The following ZMAT4 variants were observed in gnomAD, a reference collection of about 807,000 sequenced individuals.
ZMAT4 encodes the protein zinc finger matrin-type protein 4.
A neutral mutation model predicts 28.7 loss-of-function variants in ZMAT4; 17 were observed. That is an observed-to-expected ratio of 0.59 (90% CI 0.41 to 0.89). ZMAT4 has a LOEUF of 0.89. ZMAT4 is among the 40% of genes least tolerant of loss of function. The probability of loss-of-function intolerance (pLI) is 0.00; values close to 1 mark genes in which losing one functional copy is unlikely to be tolerated. For synonymous variants in ZMAT4, 117 were observed against 109.2 expected, an observed-to-expected ratio of 1.07 and a Z score of -0.44; for missense variants, 240 against 283.8, an observed-to-expected ratio of 0.85 and a Z score of 1.11.
chr8:40,556,731 G>A (rs1463797732), intron 6 of ZMAT4, among the ~76,000 whole-genome samples: 1 of 152,112 alleles, frequency 6.6e-6, no homozygotes, highest in Non-Finnish European at 1.5e-5. Flanking sequence ...GTATCTATGG[G>A]GTACATGTGA....
intron 3 of ZMAT4, among the ~76,000 whole-genome samples, chr8:40,721,441 G>A (rs1407028287): frequency 4.5e-4 from 65 of 145,460 alleles, no homozygotes; most frequent in Non-Finnish European, 8.2e-4. Context: ...ATAAACATAC[G>A]TGTGCATGTG....
At chr8:40,768,907 G>A (rs1215815291) in intron 2 of ZMAT4, among the ~76,000 whole-genome samples, 1 of 152,194 alleles carries the variant, frequency 6.6e-6, no homozygotes, top group African/African-American at 2.4e-5. Context: ...CCCATCTCCT[G>A]GATGGTGGTT....
chr8:40,575,986 A>G (rs977035857), intron 6 of ZMAT4, among the ~76,000 whole-genome samples: 2 of 152,148 alleles, frequency 1.3e-5, no homozygotes, highest in Admixed American at 6.5e-5. Flanking sequence ...AACCAAACAA[A>G]TCTTGGCAAT....
intron 6 of ZMAT4, 73 bp from the exon 7 acceptor site, chr8:40,532,311 A>G: frequency 7.6e-7 from 1 of 1,319,322 alleles, no homozygotes; most frequent in South Asian, 1.5e-5. Flanking sequence ...TCTCCCCCCC[A>G]CCCCCTGTCT....
chr8:40,676,144 A>C (rs1017930168), intron 4 of ZMAT4, among the ~76,000 whole-genome samples: 2 of 152,204 alleles, frequency 1.3e-5, no homozygotes, highest in Non-Finnish European at 2.9e-5. Flanking sequence ...CAGAAATGCC[A>C]GTGGCTTACT....
chr8:40,607,900 C>T (rs1192943333), intron 5 of ZMAT4, among the ~76,000 whole-genome samples: 2 of 151,996 alleles, frequency 1.3e-5, no homozygotes, highest in Non-Finnish European at 2.9e-5. Flanking sequence ...GGTCTCTCAG[C>T]CATGGATACC....
intron 1 of ZMAT4, among the ~76,000 whole-genome samples, chr8:40,828,446 A>T (rs914989414): frequency 1.3e-5 from 2 of 152,142 alleles, no homozygotes; most frequent in African/African-American, 4.8e-5. Context: ...AACACTGTGA[A>T]AGGATATTCA....
At chr8:40,641,695 T>A (rs1018906640) in intron 5 of ZMAT4, among the ~76,000 whole-genome samples, 11 of 152,200 alleles carry the variant, frequency 7.2e-5, no homozygotes, top group African/African-American at 2.7e-4. Flanking sequence ...TTATTTTAAT[T>A]GTGATAAAAG....
intron 2 of ZMAT4, among the ~76,000 whole-genome samples, chr8:40,770,958 TA>T (rs1449052454): frequency 6.6e-6 from 1 of 152,108 alleles, no homozygotes; most frequent in Non-Finnish European, 1.5e-5. Flanking sequence ...CAATTTATTC[TA>T]AAAAACAAAC....
intron 5 of ZMAT4, among the ~76,000 whole-genome samples, chr8:40,604,963 A>T (rs1250371896): frequency 1.3e-5 from 2 of 151,678 alleles, no homozygotes; most frequent in Non-Finnish European, 3.0e-5. Context: ...GCACATTTGT[A>T]TGCATAAATG....
At chr8:40,760,992 T>TG in intron 3 of ZMAT4, among the ~76,000 whole-genome samples, 1 of 151,748 alleles carries the variant, frequency 6.6e-6, no homozygotes, top group East Asian at 1.9e-4. Context: ...AATTGCTAGT[T>TG]CGGAAATTAA....
At chr8:40,547,578 A>G (rs567772494) in intron 6 of ZMAT4, among the ~76,000 whole-genome samples, 2 of 152,294 alleles carry the variant, frequency 1.3e-5, no homozygotes, top group Admixed American at 6.5e-5. Context: ...TGGGAATGTT[A>G]ATATTTACCC....
At chr8:40,553,459 C>T (rs1719522510) in intron 6 of ZMAT4, among the ~76,000 whole-genome samples, 1 of 152,074 alleles carries the variant, frequency 6.6e-6, no homozygotes, top group African/African-American at 2.4e-5. Context: ...ATTTCTTGTG[C>T]CATCAGCTTT....
chr8:40,862,201 A>C (rs1381720760), intron 1 of ZMAT4, among the ~76,000 whole-genome samples: 1 of 152,212 alleles, frequency 6.6e-6, no homozygotes, highest in Non-Finnish European at 1.5e-5. Context: ...CTGGATTAAG[A>C]AAATTTGGCA....
intron 1 of ZMAT4, among the ~76,000 whole-genome samples, chr8:40,872,535 G>A (rs916112362): frequency 5.9e-5 from 9 of 152,172 alleles, no homozygotes; most frequent in African/African-American, 2.2e-4. Context: ...TGTCCTCTCT[G>A]CCTTAGTGAG....
intron 4 of ZMAT4, among the ~76,000 whole-genome samples, chr8:40,681,539 C>A (rs148197056): frequency 6.6e-6 from 1 of 152,324 alleles, no homozygotes; most frequent in East Asian, 1.9e-4. Flanking sequence ...TGTCACCACA[C>A]AGTCCAGCCT....
At chr8:40,722,445 A>G (rs1811142369) in intron 3 of ZMAT4, among the ~76,000 whole-genome samples, 1 of 152,204 alleles carries the variant, frequency 6.6e-6, no homozygotes. Context: ...AGTACTGTAT[A>G]CAATTGGATC....
chr8:40,605,900 G>A (rs962813614), intron 5 of ZMAT4, among the ~76,000 whole-genome samples: 6 of 152,054 alleles, frequency 3.9e-5, no homozygotes, highest in African/African-American at 4.8e-5. Context: ...TTTCCTGTTG[G>A]ACTAGTACTT....
At chr8:40,718,677 G>A (rs1011732727) in intron 3 of ZMAT4, among the ~76,000 whole-genome samples, 5 of 151,968 alleles carry the variant, frequency 3.3e-5, no homozygotes, top group South Asian at 2.1e-4. Flanking sequence ...CATCCAGTTC[G>A]TCTCCATGAC....
Sources: gnomAD v4.1 joint callset for allele counts (sites outside exome capture counted in the v4.1 genomes callset) on GRCh38, gnomAD v4.1.1 for gene constraint, MANE v1.5 for transcripts, NCBI Gene and HGNC (gene_info 2026-07-23, HGNC 2026-07-21) for gene names.